Variants in PDE4D observed in about 807,000 individuals in gnomAD.
PDE4D encodes 3',5'-cyclic-AMP phosphodiesterase 4D.
PDE4D carries 24 observed loss-of-function variants against 87.4 expected under a neutral mutation model. The ratio of observed to expected loss-of-function variants is 0.27; its 90% CI spans 0.20 to 0.39. PDE4D has a LOEUF of 0.39. PDE4D is among the 10% of genes least tolerant of loss of function. The pLI is 1.00. For missense variants in PDE4D, 714 were observed against 1,041.0 expected, an observed-to-expected ratio of 0.69 and a Z score of 4.32; for synonymous variants, 384 against 383.2, an observed-to-expected ratio of 1.00 and a Z score of -0.02.
At chr5:59,408,014 G>A (rs1238908828) in intron 1 of PDE4D, among the ~76,000 whole-genome samples, 1 of 152,216 alleles carries the variant, frequency 6.6e-6, no homozygotes, top group Non-Finnish European at 1.5e-5. Context: ...ATTCAAGCAG[G>A]CTGCAAGCAA....
intron 1 of PDE4D, among the ~76,000 whole-genome samples, chr5:60,261,387 C>T (rs1749629848): frequency 1.3e-5 from 2 of 152,082 alleles, no homozygotes; most frequent in Non-Finnish European, 2.9e-5. Flanking sequence ...TATATCTTCC[C>T]CCTACATCTC....
intron 5 of PDE4D, among the ~76,000 whole-genome samples, chr5:59,088,295 G>T (rs1044306699): frequency 6.6e-6 from 1 of 151,720 alleles, no homozygotes; most frequent in South Asian, 2.1e-4. Context: ...TAGTTGTGTA[G>T]GTATTTTCTT....
At chr5:60,029,401 T>G (rs1766979213) in intron 2 of PDE4D, among the ~76,000 whole-genome samples, 2 of 152,220 alleles carry the variant, frequency 1.3e-5, no homozygotes, top group Non-Finnish European at 2.9e-5. Flanking sequence ...CAACCATTCA[T>G]CTCACTTATC....
At chr5:59,579,475 G>A (rs1823713675) in intron 1 of PDE4D, among the ~76,000 whole-genome samples, 1 of 152,196 alleles carries the variant, frequency 6.6e-6, no homozygotes, top group African/African-American at 2.4e-5. Flanking sequence ...AGCACAAAAT[G>A]AAGTTTAAAG....
At chr5:60,340,853 A>G (rs964991271) in intron 1 of PDE4D, among the ~76,000 whole-genome samples, 4 of 152,090 alleles carry the variant, frequency 2.6e-5, no homozygotes, top group African/African-American at 2.4e-5. Flanking sequence ...CACAAATATC[A>G]GCCTTTGTTC....
chr5:59,247,297 T>A (rs1054977397), intron 1 of PDE4D, among the ~76,000 whole-genome samples: 2 of 152,138 alleles, frequency 1.3e-5, no homozygotes, highest in African/African-American at 4.8e-5. Flanking sequence ...AGACACATAG[T>A]AAAGTGCTGA....
chr5:60,477,202 A>G (rs2150208093), intron 1 of PDE4D, among the ~76,000 whole-genome samples: 1 of 152,326 alleles, frequency 6.6e-6, no homozygotes, highest in Non-Finnish European at 1.5e-5. Context: ...AGCAAATGCT[A>G]TAGTAATAGC....
intron 1 of PDE4D, among the ~76,000 whole-genome samples, chr5:59,304,906 T>C (rs1771018053): frequency 6.6e-6 from 1 of 152,152 alleles, no homozygotes; most frequent in African/African-American, 2.4e-5. Flanking sequence ...TGATGCTGGC[T>C]TCATAGAACG....
At chr5:60,309,376 T>C (rs1754798081) in intron 1 of PDE4D, among the ~76,000 whole-genome samples, 2 of 152,178 alleles carry the variant, frequency 1.3e-5, no homozygotes, top group African/African-American at 4.8e-5. Context: ...ACAATGAGCC[T>C]AACCATAAAC....
intron 1 of PDE4D, among the ~76,000 whole-genome samples, chr5:59,835,248 C>A (rs1157186675): frequency 6.6e-6 from 1 of 152,040 alleles, no homozygotes; most frequent in Admixed American, 6.6e-5. Flanking sequence ...ACTCTAGCTT[C>A]TGTGGAACTT....
At chr5:60,079,878 T>C (rs1024610638) in intron 2 of PDE4D, among the ~76,000 whole-genome samples, 5 of 152,224 alleles carry the variant, frequency 3.3e-5, no homozygotes, top group Non-Finnish European at 7.4e-5. Flanking sequence ...TGAATCCATA[T>C]GAAACTTAAA....
chr5:59,424,592 G>C (rs1794931455), intron 1 of PDE4D, among the ~76,000 whole-genome samples: 1 of 151,920 alleles, frequency 6.6e-6, no homozygotes, highest in African/African-American at 2.4e-5. Context: ...TGCCAACAGG[G>C]GAAATGCCAG....
intron 1 of PDE4D, among the ~76,000 whole-genome samples, chr5:59,804,394 T>C (rs1044025601): frequency 6.6e-6 from 1 of 152,238 alleles, no homozygotes; most frequent in African/African-American, 2.4e-5. Context: ...AGGGCATATA[T>C]ACCACATTTT....
At chr5:59,336,004 A>G (rs569891922) in intron 1 of PDE4D, among the ~76,000 whole-genome samples, 59 of 152,350 alleles carry the variant, frequency 3.9e-4, no homozygotes, top group African/African-American at 1.4e-3. Flanking sequence ...CAACTTCAGT[A>G]ACAGTGACAT....
chr5:59,082,138 A>G (rs975719371), intron 5 of PDE4D, among the ~76,000 whole-genome samples: 34 of 152,204 alleles, frequency 2.2e-4, no homozygotes, highest in Admixed American at 1.9e-3. Flanking sequence ...ATTTCTTCAC[A>G]GCAGCATGAG....
intron 5 of PDE4D, among the ~76,000 whole-genome samples, chr5:59,127,890 CCTT>C (rs954032059): frequency 5.3e-5 from 8 of 152,120 alleles, no homozygotes; most frequent in African/African-American, 1.9e-4. Context: ...CAGACAGTCT[CCTT>C]CTGCCGGCAG....
intron 1 of PDE4D, among the ~76,000 whole-genome samples, chr5:59,653,741 G>GTA (rs112014099): frequency 0.01 from 1,571 of 152,158 alleles, 30 homozygotes; most frequent in African/African-American, 0.036. Context: ...TACTTCAAAT[G>GTA]TATGCTTAAC....
chr5:60,273,056 C>T (rs763928306), intron 1 of PDE4D, among the ~76,000 whole-genome samples: 13 of 152,100 alleles, frequency 8.5e-5, no homozygotes, highest in Non-Finnish European at 1.8e-4. Context: ...ATAATAGAGA[C>T]ATCAGGCTTG....
At chr5:60,333,539 G>A (rs1757485097) in intron 1 of PDE4D, among the ~76,000 whole-genome samples, 1 of 152,158 alleles carries the variant, frequency 6.6e-6, no homozygotes, top group African/African-American at 2.4e-5. Context: ...TGGAGGCTCA[G>A]AAGGTTCCAA....
Sources: allele counts gnomAD v4.1 joint callset (sites outside exome capture counted in the v4.1 genomes callset), GRCh38; gene constraint gnomAD v4.1.1; transcripts MANE v1.5; gene names NCBI Gene and HGNC (gene_info 2026-07-23, HGNC 2026-07-21).